The following FANCA variants were observed in gnomAD, a reference collection of about 807,000 sequenced individuals.
The protein encoded by FANCA is Fanconi anemia group A protein.
In FANCA, 236 loss-of-function variants were observed where a neutral mutation model predicts 194.3. The observed-to-expected ratio is 1.21, with a 90% CI of 1.09 to 1.35. The LOEUF is 1.35. Ranked by LOEUF, FANCA falls within the 40% of genes most tolerant of loss-of-function variation. The pLI, the probability that FANCA is intolerant of heterozygous loss-of-function variation, is 0.00. For missense variants in FANCA, 2,628 were observed against 1,813.9 expected (o/e 1.45, Z -8.15); for synonymous variants, 1,014 against 715.8 (o/e 1.42, Z -6.65).
intron 14 of FANCA, among the ~76,000 whole-genome samples, chr16:89,785,179 G>A (rs574393509): frequency 6.6e-6 from 1 of 152,294 alleles, no homozygotes; most frequent in South Asian, 2.1e-4. Context: ...AAGGAAAAAA[G>A]AGAAACACCA....
At chr16:89,776,159 C>CTTTTTTTTTT (rs3069458) in intron 20 of FANCA, among the ~76,000 whole-genome samples, 44 of 93,304 alleles carry the variant, frequency 4.7e-4, no homozygotes, top group Non-Finnish European at 6.2e-4. Context: ...CTTTGTTTTT[C>CTTTTTTTTTT]TTTTTTTTTT....
intron 8 of FANCA, 73 bp from the exon 9 acceptor site, chr16:89,799,711 G>T: frequency 2.4e-6 from 3 of 1,255,608 alleles, no homozygotes; most frequent in Non-Finnish European, 3.5e-6. Flanking sequence ...TCACACAAGA[G>T]AATTATTACT....
intron 7 of FANCA, among the ~76,000 whole-genome samples, chr16:89,803,757 G>T (rs1184306449): frequency 6.6e-6 from 1 of 151,922 alleles, no homozygotes; most frequent in African/African-American, 2.4e-5. Flanking sequence ...CAGTAGCTGG[G>T]AATATAGGCG....
intron 26 of FANCA, among the ~76,000 whole-genome samples, chr16:89,768,189 G>A (rs995815353): frequency 6.6e-6 from 1 of 152,138 alleles, no homozygotes; most frequent in East Asian, 1.9e-4. Flanking sequence ...GAGGTGGGAA[G>A]ATCACTTCAG....
At chr16:89,775,225 C>G (rs535644751) in intron 21 of FANCA, among the ~76,000 whole-genome samples, 15 of 152,290 alleles carry the variant, frequency 9.8e-5, no homozygotes, top group African/African-American at 3.4e-4. Context: ...ATGATGGCAT[C>G]TCCCACTGCT....
chr16:89,808,839 G>A (rs1429834932), intron 5 of FANCA, among the ~76,000 whole-genome samples: 2 of 151,742 alleles, frequency 1.3e-5, no homozygotes, highest in East Asian at 1.9e-4. Flanking sequence ...CACTCACTGT[G>A]AACACTGTGC....
intron 10 of FANCA, chr16:89,798,556 C>T: frequency 8.8e-7 from 1 of 1,135,950 alleles, no homozygotes; most frequent in Non-Finnish European, 1.1e-6. Context: ...CCTGCCCACA[C>T]TAGAGGGAAG....
Position 89,804,972 on chromosome 16 carries a change from G to A in FANCA, c.709+308C>T, listed in dbSNP as rs375407562. On this transcript the variant is annotated intron_variant, in intron 7 of 42. Coordinates refer to ENST00000389301, the MANE Select transcript of FANCA (RefSeq NM_000135.4). ...AATCACTTGAACCCAGGAGGCGGAG[G>A]TTGCAGTGAGCTGAGATCGCGCCAC... is the stretch of plus-strand genomic sequence containing the variant. Among the ~76,000 whole-genome samples the A allele has an allele frequency of 5.3e-4, 80 of 152,322 alleles. 1 individual carries two copies. Among genetic ancestry groups the A allele is most frequent in the African/African-American group, 1.7e-3 (71 of 41,568 alleles).
chr16:89,756,492 G>C (rs1191345275), intron 30 of FANCA, among the ~76,000 whole-genome samples: 1 of 152,170 alleles, frequency 6.6e-6, no homozygotes, highest in African/African-American at 2.4e-5. Context: ...TGCCAGGTAT[G>C]GTGGTGCCTG....
chr16:89,756,216 T>A (rs2038762764), intron 30 of FANCA, among the ~76,000 whole-genome samples: 1 of 152,076 alleles, frequency 6.6e-6, no homozygotes, highest in Non-Finnish European at 1.5e-5. Flanking sequence ...TGAACAGATT[T>A]CTCCAAAAAA....
chr16:89,752,882 G>C (rs2038644994), intron 30 of FANCA, among the ~76,000 whole-genome samples: 1 of 152,122 alleles, frequency 6.6e-6, no homozygotes, highest in Non-Finnish European at 1.5e-5. Context: ...CCGGGAAAGG[G>C]AGTCTCCCTT....
rs1166188925 is a variant in FANCA, at chr16:89,743,842, A to C, written c.3627-904T>G. Among the ~76,000 whole-genome samples the C allele has an allele frequency of 7.2e-5, 11 of 152,294 alleles. No individual in the cohort carries two copies. The East Asian group carries it at 1.5e-3, about 21-fold the overall frequency. On this transcript the variant is annotated intron_variant, in intron 36 of 42. Transcript: ENST00000389301. ...CTGTCTCAAACAAAACAAAACAAAA[A>C]ACAAAACTTCAGACAATCTGATCTG...
In FANCA at chr16:89,770,555, C is replaced by T. The variant is rs774316742; in HGVS notation, c.2222+9G>A. 21 of 1,601,936 alleles carry T rather than the reference C, an allele frequency of 1.3e-5. No individual in the cohort carries two copies. The highest frequency in any genetic ancestry group is 2.3e-5 in the East Asian group (1 of 44,334). On this transcript the variant is annotated intron_variant, in intron 24 of 42. Coordinates refer to ENST00000389301, the MANE Select transcript of FANCA (RefSeq NM_000135.4). The stretch of plus-strand genomic sequence containing the variant: ...GCCCCACCACTCAGGGAGCTGCCCG[C>T]GCCTTCACCTCTCCGGGGGAGCGAC...
intron 23 of FANCA, among the ~76,000 whole-genome samples, chr16:89,770,893 AGGGGCCAGAAAAATATTTTAGGTTTT>A (rs2039301481): frequency 6.6e-6 from 1 of 152,162 alleles, no homozygotes; most frequent in African/African-American, 2.4e-5. Flanking sequence ...CTTGTGTGTA[AGGGGCCAGAAAAATATTTTAGGTTTT>A]GGGGCCAGAA....
intron 11 of FANCA, among the ~76,000 whole-genome samples, chr16:89,795,299 T>TAAATAAATAAAC: frequency 6.7e-6 from 1 of 148,586 alleles, no homozygotes; most frequent in African/African-American, 2.5e-5. Flanking sequence ...AATAAATAAA[T>TAAATAAATAAAC]AAATAAATAA....
chr16:89,792,200 G>T, intron 12 of FANCA, 132 bp from the exon 13 acceptor site: 1 of 1,106,318 alleles, frequency 9.0e-7, no homozygotes, highest in Non-Finnish European at 1.4e-6. Flanking sequence ...ACATGGAGCT[G>T]TGACAGCTCA....
At chr16:89,771,839 G>C (rs184011480) in intron 22 of FANCA, 25 bp from the exon 23 acceptor site, 1 of 1,612,998 alleles carries the variant, frequency 6.2e-7, no homozygotes, top group African/African-American at 1.3e-5. Context: ...ACTAGTTAGG[G>C]ATGACAAGAA....
chr16:89,815,077 G>T (rs905986323), intron 2 of FANCA, among the ~76,000 whole-genome samples: 3 of 151,922 alleles, frequency 2.0e-5, no homozygotes, highest in African/African-American at 7.3e-5. Flanking sequence ...TCTCACTGTC[G>T]TCCAGGCTGG....
chr16:89,753,773 G>C (rs184709535), intron 30 of FANCA, among the ~76,000 whole-genome samples: 1 of 152,288 alleles, frequency 6.6e-6, no homozygotes, highest in Middle Eastern at 3.4e-3. Flanking sequence ...ACTGCACTGG[G>C]GACAGACACG....
Sources: allele counts gnomAD v4.1 joint callset (sites outside exome capture counted in the v4.1 genomes callset), GRCh38; gene constraint gnomAD v4.1.1; transcripts MANE v1.5; gene names NCBI Gene and HGNC (gene_info 2026-07-23, HGNC 2026-07-21).